The following SPIRE2 variants were observed in gnomAD, a reference collection of about 807,000 sequenced individuals.
SPIRE2 encodes spire type actin nucleation factor 2, also known as protein spire homolog 2.
SPIRE2 carries 76 observed loss-of-function variants against 80.7 expected under a neutral mutation model. That is an observed-to-expected ratio of 0.94 (90% CI 0.78 to 1.14). The LOEUF (loss-of-function observed/expected upper bound fraction) is 1.14, where lower values mean the gene tolerates loss of function less well. Ranked by LOEUF, SPIRE2 falls within the 50% of genes most tolerant of loss-of-function variation. The pLI is 0.00. For synonymous variants in SPIRE2, 535 were observed against 432.6 expected (o/e 1.24, Z -2.94); for missense variants, 1,196 against 1,015.3 (o/e 1.18, Z -2.42).
At chr16:89,856,575 G>A (rs1416124532) in intron 7 of SPIRE2, among the ~76,000 whole-genome samples, 2 of 151,438 alleles carry the variant, frequency 1.3e-5, no homozygotes, top group Non-Finnish European at 2.9e-5. Flanking sequence ...TTCCTGGGCA[G>A]CTGGGATTAC....
At position 89,838,085 on chromosome 16, in the gene SPIRE2, C is replaced by T. The variant is rs542570491; in HGVS notation, c.245-7237C>T. 4.6e-5 allele frequency among the ~76,000 whole-genome samples: 7 copies of T among 151,822 alleles called. No homozygotes were observed. The East Asian group carries it at 5.8e-4, about 13-fold the overall frequency. On this transcript the variant is annotated intron_variant, in intron 1 of 14. Transcript: ENST00000378247. ...GAGTGCCTCAGCTCACTGCAGTCTC[C>T]GCCTCCGGGGATCAAACGATTCTCC...
intron 1 of SPIRE2, among the ~76,000 whole-genome samples, chr16:89,840,476 C>T (rs1024408091): frequency 6.6e-6 from 1 of 150,814 alleles, no homozygotes; most frequent in South Asian, 2.1e-4. Flanking sequence ...GTTTCGATCT[C>T]CTGACCTTGG....
chr16:89,867,840 C>G (rs542167175), intron 12 of SPIRE2, among the ~76,000 whole-genome samples: 16 of 152,274 alleles, frequency 1.1e-4, no homozygotes, highest in South Asian at 2.1e-4. Flanking sequence ...TTGCCTTGGC[C>G]TCCCAAAGTG....
chr16:89,849,795 T>G, intron 2 of SPIRE2: 2 of 265,662 alleles, frequency 7.5e-6, no homozygotes, highest in Non-Finnish European at 7.4e-6. Flanking sequence ...AGTTAAGAGG[T>G]CGCTACTGTG....
At chr16:89,843,672 T>TTG (rs2041525360) in intron 1 of SPIRE2, among the ~76,000 whole-genome samples, 1 of 55,220 alleles carries the variant, frequency 1.8e-5, no homozygotes, top group Non-Finnish European at 3.0e-5. Context: ...GCCACGTTTT[T>TTG]TTTTTTTTGT....
chr16:89,855,042 G>C (rs550691087), intron 5 of SPIRE2, among the ~76,000 whole-genome samples: 1 of 152,148 alleles, frequency 6.6e-6, no homozygotes, highest in African/African-American at 2.4e-5. Context: ...GGGTTCAAGC[G>C]ATTCTCCTGC....
chr16:89,829,451 C>G (rs146841516), intron 1 of SPIRE2, among the ~76,000 whole-genome samples: 2 of 152,346 alleles, frequency 1.3e-5, no homozygotes, highest in East Asian at 3.9e-4. Flanking sequence ...GATTTCTTCC[C>G]TGGAGAGCTG....
intron 7 of SPIRE2, among the ~76,000 whole-genome samples, chr16:89,857,762 G>A (rs1198364032): frequency 2.0e-5 from 3 of 151,422 alleles, no homozygotes; most frequent in African/African-American, 7.3e-5. Context: ...TAGAGACGGG[G>A]TTTCTCCATG....
chr16:89,856,016 T>TCGCTTCCC lies in SPIRE2; in HGVS notation c.979-96_979-95insGCTTCCCC, dbSNP rs2041687103. The TCGCTTCCC allele has an allele frequency of 3.9e-6, 6 of 1,537,294 alleles. No individual in the cohort carries two copies. The African/African-American group carries it at 6.8e-5, about 18-fold the overall frequency. ...ACTCCAGAGTGGGCCCGTGTCATGG[T>TCGCTTCCC]CACTTCCCCACCACAGGTCCCGCTT... On this transcript the variant is annotated intron_variant, in intron 6 of 14. Coordinates refer to ENST00000378247, the MANE Select transcript of SPIRE2 (RefSeq NM_032451.2).
chr16:89,828,856 G>A lies in SPIRE2; in HGVS notation c.244+62G>A. 1 of 1,147,812 alleles carries A rather than the reference G, an allele frequency of 8.7e-7. No homozygotes were observed. Among genetic ancestry groups the A allele is most frequent in the Non-Finnish European group, 1.1e-6 (1 of 929,454 alleles). 71.1% of individuals were successfully genotyped at this position (1,147,812 alleles called of 1,614,324 possible). ...GTCTGGGGCGTCCGTCCCGCCCCCT[G>A]GGTGGGGGTGGTCCCGGCGGAGAGG... On this transcript the variant is annotated intron_variant, in intron 1 of 14. Transcript: ENST00000378247. The surrounding 1 kb of genome is among the most constrained non-coding windows in gnomAD (Gnocchi z 5.9).
intron 1 of SPIRE2, among the ~76,000 whole-genome samples, chr16:89,841,463 C>T (rs554193044): frequency 6.6e-6 from 1 of 152,114 alleles, no homozygotes; most frequent in South Asian, 2.1e-4. Context: ...TGTGGTAGCT[C>T]TGTGGCCACG....
chr16:89,831,341 C>T (rs1252882509), intron 1 of SPIRE2, among the ~76,000 whole-genome samples: 1 of 150,472 alleles, frequency 6.6e-6, no homozygotes, highest in African/African-American at 2.4e-5. Context: ...ACACGTGACC[C>T]TATTTTTTGA....
rs1335723916 is a variant in SPIRE2 at position 89,845,725 on chromosome 16, G to T, written c.288+360G>T. 22 of 635,214 alleles carry T rather than the reference G, an allele frequency of 3.5e-5. No individual in the cohort carries two copies. The Admixed American group carries it at 5.4e-4, about 16-fold the overall frequency. The allele number at this position is 635,214 out of a possible 1,614,324, so 39.3% of individuals were successfully genotyped here. Reference sequence around the variant, plus strand: ...CTTCAGGTGCAAACAGGAAAAATCAGCCTGGTGACCAGTGCCCCGAAACCC... The same window carrying T: ...CTTCAGGTGCAAACAGGAAAAATCATCCTGGTGACCAGTGCCCCGAAACCC... On this transcript the variant is annotated intron_variant, in intron 2 of 14. Transcript: ENST00000378247.
At chr16:89,864,433 A>G (rs1019489907) in intron 12 of SPIRE2, among the ~76,000 whole-genome samples, 2 of 152,300 alleles carry the variant, frequency 1.3e-5, no homozygotes, top group South Asian at 4.1e-4. Flanking sequence ...CCACGGGCCA[A>G]ATCTGGTCCT....
chr16:89,830,949 G>T (rs569261085), intron 1 of SPIRE2, among the ~76,000 whole-genome samples: 9,241 of 134,458 alleles, frequency 0.069, 701 homozygotes, highest in East Asian at 0.25. Flanking sequence ...TCGCTCTGTT[G>T]CCCAGGCTGG....
At chr16:89,845,794 T>A in intron 2 of SPIRE2, 3 of 588,114 alleles carry the variant, frequency 5.1e-6, no homozygotes, top group Non-Finnish European at 9.1e-6. Context: ...AGGGCCTTCC[T>A]CTCCCATTCA....
intron 1 of SPIRE2, among the ~76,000 whole-genome samples, chr16:89,843,492 C>T (rs975523042): frequency 1.3e-5 from 2 of 150,972 alleles, no homozygotes; most frequent in African/African-American, 2.4e-5. Context: ...AGTCAGATGC[C>T]GACTTACCTG....
intron 1 of SPIRE2, among the ~76,000 whole-genome samples, chr16:89,833,094 T>C (rs62054256): frequency 9.2e-5 from 14 of 151,502 alleles, no homozygotes; most frequent in Admixed American, 6.6e-5. Context: ...CAGGTTCAAG[T>C]GATTCTCCTG....
rs888027495 is a variant in SPIRE2, at chr16:89,828,953, C to T, written c.244+159C>T. On this transcript the variant is annotated intron_variant, in intron 1 of 14. Transcript: ENST00000378247. This position sits in a 1 kb window ranked among gnomAD's most constrained non-coding sequence, Gnocchi z 5.9. Reference sequence around the variant, plus strand: ...GAGCTCCCTCCCTCCCACTCTCCGTCCCTCTTTCCCTCTCTCTTTCCTCCC... The same window carrying T: ...GAGCTCCCTCCCTCCCACTCTCCGTTCCTCTTTCCCTCTCTCTTTCCTCCC... Among the ~76,000 whole-genome samples the T allele has an allele frequency of 1.3e-5, 2 of 152,188 alleles. No homozygotes were observed. The highest frequency in any genetic ancestry group is 4.8e-5 in the African/African-American group (2 of 41,454).
Sources: gnomAD v4.1 joint callset for allele counts (sites outside exome capture counted in the v4.1 genomes callset) on GRCh38, gnomAD v4.1.1 for gene constraint, Gnocchi (gnomAD v3.1) non-coding constraint, MANE v1.5 for transcripts, NCBI Gene and HGNC (gene_info 2026-07-23, HGNC 2026-07-21) for gene names.